Variants in PCDHGA4 observed in about 807,000 individuals in gnomAD.
PCDHGA4 encodes the protein protocadherin gamma-A4.
Under a neutral mutation model 54.6 loss-of-function variants are expected in PCDHGA4, and 38 were observed. The observed-to-expected ratio is 0.70, with a 90% CI of 0.54 to 0.91. The LOEUF (loss-of-function observed/expected upper bound fraction) is 0.91, where lower values mean the gene tolerates loss of function less well. Among genes scored for constraint, PCDHGA4 ranks in the 40% least tolerant of loss-of-function variants. The probability of loss-of-function intolerance (pLI) is 0.00; values close to 1 mark genes in which losing one functional copy is unlikely to be tolerated. For missense variants in PCDHGA4, 1,298 were observed against 1,220.9 expected (o/e 1.06, Z -0.94); for synonymous variants, 511 against 512.9 (o/e 1.00, Z 0.05).
chr5:141,473,905 G>T (rs940750776), intron 1 of PCDHGA4, among the ~76,000 whole-genome samples: 2 of 152,096 alleles, frequency 1.3e-5, no homozygotes, highest in African/African-American at 4.8e-5. Context: ...TCATGAAGAG[G>T]TCTTAAGAAA....
Position 141,406,431 on chromosome 5 carries a change from T to A in PCDHGA4, c.2514+48810T>A, listed in dbSNP as rs1316370664. 2.0e-5 allele frequency among the ~76,000 whole-genome samples: 3 copies of A among 152,352 alleles called. No individual in the cohort carries two copies. In the South Asian group the frequency reaches 6.2e-4, roughly 32 times the overall value. ...CAGCTGAAAGCCCAGATTTATTGCT[T>A]CTATTCTTCCATTTCTATGACAGGA... On this transcript the variant is annotated intron_variant, in intron 1 of 3. Coordinates refer to ENST00000571252, the MANE Select transcript of PCDHGA4 (RefSeq NM_018917.4).
intron 1 of PCDHGA4, chr5:141,378,226 T>C (rs1774724615): frequency 6.6e-6 from 1 of 152,206 alleles, no homozygotes; most frequent in Admixed American, 6.5e-5. Context: ...TGCCTGATAG[T>C]ATTTAAGAGT....
rs371350905 is a variant in PCDHGA4 at position 141,476,860 on chromosome 5, G to A, written c.2515-17947G>A. The A allele has an allele frequency of 6.7e-5, 108 of 1,613,762 alleles. No individual in the cohort carries two copies. The highest frequency in any genetic ancestry group is 1.6e-4 in the East Asian group (7 of 44,884). ...ATGCGCCTGTCTTCAACCAGTCCTT[G>A]TACCGGGCGCGCGTCCTGGAGGATG... is the stretch of plus-strand genomic sequence containing the variant. On this transcript the variant is annotated intron_variant, in intron 1 of 3. Transcript: ENST00000571252. This position sits in a 1 kb window ranked among gnomAD's most constrained non-coding sequence, Gnocchi z 7.6.
Position 141,487,682 on chromosome 5 carries a change from G to A in PCDHGA4, c.2515-7125G>A, listed in dbSNP as rs757434520. On this transcript the variant is annotated intron_variant, in intron 1 of 3. Transcript: ENST00000571252. This position sits in a 1 kb window ranked among gnomAD's most constrained non-coding sequence, Gnocchi z 5.0. ...TGATCCAGGCATATGGCTAGGCCATGTCCTAGAGAGTACTGGCCTCTCAGT... is the reference window on the plus strand; with the variant it reads ...TGATCCAGGCATATGGCTAGGCCATATCCTAGAGAGTACTGGCCTCTCAGT... The A allele has an allele frequency of 1.2e-6, 2 of 1,607,256 alleles. No individual in the cohort carries two copies. Among genetic ancestry groups the A allele is most frequent in the East Asian group, 4.5e-5 (2 of 44,762 alleles).
chr5:141,369,703 A>C (rs757750981), intron 1 of PCDHGA4, among the ~76,000 whole-genome samples: 1 of 152,372 alleles, frequency 6.6e-6, no homozygotes, highest in East Asian at 1.9e-4. Context: ...AAAAGCTATG[A>C]CATTATAACT....
rs769909773 is a variant in PCDHGA4 at position 141,476,732 on chromosome 5, C to T, written c.2515-18075C>T. The T allele has an allele frequency of 8.7e-6, 14 of 1,614,096 alleles. No homozygotes were observed. Among genetic ancestry groups the T allele is most frequent in the Non-Finnish European group, 1.1e-5 (13 of 1,180,030 alleles). ...GTTGGAGCGCGCCCTGGACCGAGAA[C>T]GGGAGCCTAGTCTCCAGTTAGTGCT... is the stretch of plus-strand genomic sequence containing the variant. On this transcript the variant is annotated intron_variant, in intron 1 of 3. Coordinates refer to ENST00000571252, the MANE Select transcript of PCDHGA4 (RefSeq NM_018917.4). The surrounding 1 kb of genome is among the most constrained non-coding windows in gnomAD (Gnocchi z 7.6).
At chr5:141,426,010 C>T (rs2096909211) in intron 1 of PCDHGA4, among the ~76,000 whole-genome samples, 1 of 152,178 alleles carries the variant, frequency 6.6e-6, no homozygotes, top group Non-Finnish European at 1.5e-5. Flanking sequence ...CTTCCGGCTG[C>T]AGTTTTCTAA....
intron 1 of PCDHGA4, chr5:141,442,507 G>C (rs1394231840): frequency 1.3e-5 from 2 of 152,208 alleles, no homozygotes; most frequent in Non-Finnish European, 1.5e-5. Flanking sequence ...TATTCTAATT[G>C]CTTGGGCAGA....
At chr5:141,470,825 C>G (rs557419577) in intron 1 of PCDHGA4, among the ~76,000 whole-genome samples, 24 of 152,182 alleles carry the variant, frequency 1.6e-4, no homozygotes, top group African/African-American at 4.1e-4. Context: ...GTAGTTAGGA[C>G]GACAAACACA....
intron 1 of PCDHGA4, chr5:141,415,752 T>TG: frequency 1.6e-5 from 22 of 1,372,540 alleles, no homozygotes; most frequent in Middle Eastern, 2.6e-4. Flanking sequence ...TTTTTTTTTT[T>TG]TTTTTTTTTT....
At position 141,487,276 on chromosome 5, in the gene PCDHGA4, C is replaced by G; in HGVS notation, c.2515-7531C>G. On this transcript the variant is annotated intron_variant, in intron 1 of 3. Coordinates refer to ENST00000571252, the MANE Select transcript of PCDHGA4 (RefSeq NM_018917.4). The surrounding 1 kb of genome is among the most constrained non-coding windows in gnomAD (Gnocchi z 5.0). ...TGGCTGTGTCCCTAGTGGCAATTTG[C>G]TTTGTCTCCTTTGGCTCATTCGTGG... 1 of 1,614,158 alleles carries G rather than the reference C, an allele frequency of 6.2e-7. No homozygotes were observed. The highest frequency in any genetic ancestry group is 1.1e-5 in the South Asian group (1 of 91,082).
chr5:141,456,285 G>T (rs2098848223), intron 1 of PCDHGA4, among the ~76,000 whole-genome samples: 1 of 152,134 alleles, frequency 6.6e-6, no homozygotes, highest in Non-Finnish European at 1.5e-5. Flanking sequence ...GCTGAAAAGG[G>T]GCGTCTAATG....
Position 141,485,950 on chromosome 5 carries a change from G to A in PCDHGA4, c.2515-8857G>A. ...TGTTGGAGAGCGCACCAGCGGGCAT[G>A]GTGCTCATCCAGCTCAATGCCTCAG... On this transcript the variant is annotated intron_variant, in intron 1 of 3. Transcript: ENST00000571252. The surrounding 1 kb of genome is among the most constrained non-coding windows in gnomAD (Gnocchi z 5.7). 6.2e-7 allele frequency: 1 copy of A among 1,614,184 alleles called. No individual in the cohort carries two copies. The highest frequency in any genetic ancestry group is 8.5e-7 in the Non-Finnish European group (1 of 1,180,030).
chr5:141,390,290 C>T (rs1344237469), intron 1 of PCDHGA4: 1 of 1,613,806 alleles, frequency 6.2e-7, no homozygotes, highest in Admixed American at 1.7e-5. Flanking sequence ...AGGTGAGTTT[C>T]CTTTAAGTAT....
chr5:141,476,346 T>G lies in PCDHGA4; in HGVS notation c.2515-18461T>G, dbSNP rs1239836597. On this transcript the variant is annotated intron_variant, in intron 1 of 3. Coordinates refer to ENST00000571252, the MANE Select transcript of PCDHGA4 (RefSeq NM_018917.4). The surrounding 1 kb of genome is among the most constrained non-coding windows in gnomAD (Gnocchi z 7.6). The stretch of plus-strand genomic sequence containing the variant: ...GTGTCTGGAGCTAGCCGAAGATTCT[T>G]TGAGGTGAACCGGGAGACCGGAGAG... 2.5e-6 allele frequency: 4 copies of G among 1,613,932 alleles called. No individual in the cohort carries two copies. Among genetic ancestry groups the G allele is most frequent in the Non-Finnish European group, 3.4e-6 (4 of 1,180,022 alleles).
chr5:141,436,040 C>A (rs989038133), intron 1 of PCDHGA4, among the ~76,000 whole-genome samples: 2 of 152,060 alleles, frequency 1.3e-5, no homozygotes, highest in African/African-American at 4.8e-5. Context: ...TTTGTATTTA[C>A]ATTAGTTTTC....
At chr5:141,424,746 T>TTA (rs1392854638) in intron 1 of PCDHGA4, 1 of 152,214 alleles carries the variant, frequency 6.6e-6, no homozygotes, top group Non-Finnish European at 1.5e-5. Flanking sequence ...CTTTCTTTCT[T>TTA]TATAAGGTCA....
Position 141,356,659 on chromosome 5 carries a change from AT to A in PCDHGA4, c.1553del (p.Ile518ThrfsTer45). 1 of 1,614,050 alleles carries A rather than the reference AT, an allele frequency of 6.2e-7. No individual in the cohort carries two copies. The highest frequency in any genetic ancestry group is 8.5e-7 in the Non-Finnish European group (1 of 1,179,936). ...CCCTGACAGTGGTGACAATGCCCGA[AT>A]CACTTACTCCCTGGCCGAAGACACC... ...QDPDSGDNAR[I>X]TYSLAEDTFQ... On this transcript the variant is annotated frameshift_variant, in exon 1 of 4. Transcript: ENST00000571252. LOFTEE classifies it high-confidence loss of function.
At chr5:141,409,030 G>C (rs377547144) in intron 1 of PCDHGA4, 2 of 1,614,010 alleles carry the variant, frequency 1.2e-6, no homozygotes, top group South Asian at 2.2e-5. Context: ...TCAATGCTGA[G>C]ATAAACTACT....
Sources: gnomAD v4.1 joint callset for allele counts (sites outside exome capture counted in the v4.1 genomes callset) on GRCh38, gnomAD v4.1.1 for gene constraint, Gnocchi (gnomAD v3.1) non-coding constraint, MANE v1.5 for transcripts, NCBI Gene and HGNC (gene_info 2026-07-23, HGNC 2026-07-21) for gene names.